Variants in EPHB1 observed in about 807,000 individuals in gnomAD.
The protein encoded by EPHB1 is EPH receptor B1, also known as ephrin type-B receptor 1.
Under a neutral mutation model 94.4 loss-of-function variants are expected in EPHB1, and 30 were observed. The observed-to-expected ratio is 0.32, with a 90% confidence interval of 0.24 to 0.43. EPHB1 has a LOEUF of 0.43. Among genes scored for constraint, EPHB1 ranks in the 20% least tolerant of loss-of-function variants. The probability of loss-of-function intolerance (pLI) is 1.00; values close to 1 mark genes in which losing one functional copy is unlikely to be tolerated. For synonymous variants in EPHB1, 522 were observed against 489.1 expected, an observed-to-expected ratio of 1.07 and a Z score of -0.89; for missense variants, 1,055 against 1,308.3, an observed-to-expected ratio of 0.81 and a Z score of 2.99.
intron 3 of EPHB1, among the ~76,000 whole-genome samples, chr3:135,034,248 T>C (rs1052964149): frequency 2.6e-5 from 4 of 152,228 alleles, no homozygotes; most frequent in Non-Finnish European, 5.9e-5. Flanking sequence ...CAAAGATATA[T>C]TGACACAATT....
chr3:135,258,404 C>G (rs747317459), intron 15 of EPHB1, among the ~76,000 whole-genome samples: 15 of 152,198 alleles, frequency 9.9e-5, no homozygotes, highest in Non-Finnish European at 1.5e-5. Context: ...CACAGGTCAA[C>G]TATAAGCCAT....
At chr3:134,900,201 A>G (rs1034706045) in intron 1 of EPHB1, among the ~76,000 whole-genome samples, 8 of 152,224 alleles carry the variant, frequency 5.3e-5, no homozygotes, top group East Asian at 1.9e-4. Flanking sequence ...GTGCTCAGAC[A>G]TGATGACTGT....
chr3:134,990,770 G>T lies in EPHB1; in HGVS notation c.805+38718G>T, dbSNP rs1191836992. ...TAACTTATACTGTATTATTTTTATT[G>T]TTGCATTTAAAAAATGTTTTTGATC... On this transcript the variant is annotated intron_variant, in intron 3 of 15. Coordinates refer to ENST00000398015, the MANE Select transcript of EPHB1 (RefSeq NM_004441.5). Among the ~76,000 whole-genome samples, 4 of 152,018 alleles carry T rather than the reference G, an allele frequency of 2.6e-5. No individual in the cohort carries two copies. The East Asian group carries it at 7.7e-4, about 29-fold the overall frequency.
At chr3:134,804,327 T>C (rs2035994212) in intron 1 of EPHB1, among the ~76,000 whole-genome samples, 1 of 152,120 alleles carries the variant, frequency 6.6e-6, no homozygotes, top group South Asian at 2.1e-4. Flanking sequence ...TCATGAGACT[T>C]ATTCATTATC....
chr3:134,933,154 C>T (rs1433756768), intron 2 of EPHB1, among the ~76,000 whole-genome samples: 1 of 152,166 alleles, frequency 6.6e-6, no homozygotes, highest in Non-Finnish European at 1.5e-5. Context: ...CTTGTTTTAT[C>T]TCTTTTCTCT....
At chr3:135,069,028 CTGT>C (rs1420467862) in intron 3 of EPHB1, among the ~76,000 whole-genome samples, 8 of 147,892 alleles carry the variant, frequency 5.4e-5, no homozygotes, top group African/African-American at 2.0e-4. Flanking sequence ...GCGTGAGCCA[CTGT>C]GCCCAGCCAA....
chr3:135,019,099 C>T (rs1193825339), intron 3 of EPHB1, among the ~76,000 whole-genome samples: 3 of 152,130 alleles, frequency 2.0e-5, no homozygotes, highest in Non-Finnish European at 4.4e-5. Context: ...CTGCGTGCCC[C>T]ACTCCACAAT....
At chr3:134,854,810 C>A (rs2037076251) in intron 1 of EPHB1, among the ~76,000 whole-genome samples, 1 of 152,164 alleles carries the variant, frequency 6.6e-6, no homozygotes, top group South Asian at 2.1e-4. Context: ...TTGGCTTTCT[C>A]TTTCTCACCT....
intron 4 of EPHB1, among the ~76,000 whole-genome samples, chr3:135,116,179 A>G (rs1187173949): frequency 6.6e-6 from 1 of 152,248 alleles, no homozygotes; most frequent in African/African-American, 2.4e-5. Context: ...GTGCCACTGC[A>G]CTCCAACCTG....
intron 3 of EPHB1, among the ~76,000 whole-genome samples, chr3:135,031,920 G>A (rs1936486287): frequency 6.6e-6 from 1 of 151,872 alleles, no homozygotes; most frequent in Non-Finnish European, 1.5e-5. Flanking sequence ...CATTGATTTG[G>A]CTTCTTCTGC....
intron 1 of EPHB1, among the ~76,000 whole-genome samples, chr3:134,905,894 C>A (rs1399079981): frequency 6.6e-6 from 1 of 152,172 alleles, no homozygotes; most frequent in African/African-American, 2.4e-5. Context: ...CCCCCTTTGC[C>A]CATCTGCTAG....
chr3:134,920,623 G>A (rs2038664948), intron 1 of EPHB1, among the ~76,000 whole-genome samples: 1 of 152,168 alleles, frequency 6.6e-6, no homozygotes, highest in African/African-American at 2.4e-5. Context: ...TCTGATTAAT[G>A]TCTCTCCAAA....
At chr3:135,234,720 G>A (rs2036366) in intron 12 of EPHB1, among the ~76,000 whole-genome samples, 107,250 of 152,034 alleles carry the variant, frequency 0.71, 39,641 homozygotes, top group Middle Eastern at 0.88. Context: ...CCTTCTTCAC[G>A]TGGTGGCAGG....
intron 12 of EPHB1, among the ~76,000 whole-genome samples, chr3:135,217,257 G>A (rs532287793): frequency 6.6e-6 from 1 of 152,098 alleles, no homozygotes; most frequent in South Asian, 2.1e-4. Context: ...CTGAGGATAG[G>A]CATCACCGTG....
Position 134,922,165 on chromosome 3 carries a change from A to C in EPHB1, c.59-3651A>C, listed in dbSNP as rs147651086. Among the ~76,000 whole-genome samples, 86 of 152,370 alleles carry C rather than the reference A, an allele frequency of 5.6e-4. 2 individuals carry two copies. In the East Asian group the frequency reaches 0.012, roughly 22 times the overall value. On this transcript the variant is annotated intron_variant, in intron 1 of 15. Coordinates refer to ENST00000398015, the MANE Select transcript of EPHB1 (RefSeq NM_004441.5). ...CCCCGTGCCACTGTCTGAGAGCAGA[A>C]GTGATGGTAAATATTTAATTGTGCT...
At chr3:135,219,840 G>C (rs1037204286) in intron 12 of EPHB1, among the ~76,000 whole-genome samples, 4 of 152,124 alleles carry the variant, frequency 2.6e-5, no homozygotes, top group Non-Finnish European at 4.4e-5. Flanking sequence ...AGGAAGGCGG[G>C]GATCTTGTCC....
intron 12 of EPHB1, among the ~76,000 whole-genome samples, chr3:135,213,419 G>A (rs961871275): frequency 1.3e-5 from 2 of 152,158 alleles, no homozygotes; most frequent in East Asian, 1.9e-4. Context: ...TCTGAATGTC[G>A]TTATGTGTGT....
At chr3:134,882,809 T>TCTTTCTTTCTTTCTTTCTTTC in intron 1 of EPHB1, among the ~76,000 whole-genome samples, 1 of 85,874 alleles carries the variant, frequency 1.2e-5, no homozygotes, top group Admixed American at 1.2e-4. Context: ...TTTCTTTCTT[T>TCTTTCTTTCTTTCTTTCTTTC]CTTTCTTTCT....
intron 4 of EPHB1, among the ~76,000 whole-genome samples, chr3:135,110,394 C>T (rs563540872): frequency 4.8e-4 from 73 of 152,302 alleles, no homozygotes; most frequent in African/African-American, 1.6e-3. Context: ...GCCAGTCTTT[C>T]GGGGTTTCCC....
Sources: gnomAD v4.1 joint callset for allele counts (sites outside exome capture counted in the v4.1 genomes callset) on GRCh38, gnomAD v4.1.1 for gene constraint, MANE v1.5 for transcripts, NCBI Gene and HGNC (gene_info 2026-07-23, HGNC 2026-07-21) for gene names.